Variants in BBOF1 observed in about 807,000 individuals in gnomAD.
BBOF1 encodes basal body-orientation factor 1.
BBOF1 carries 62 observed loss-of-function variants against 68.0 expected under a neutral mutation model. The ratio of observed to expected loss-of-function variants is 0.91; its 90% CI spans 0.74 to 1.13. The LOEUF (loss-of-function observed/expected upper bound fraction) is 1.13, where lower values mean the gene tolerates loss of function less well. Among genes scored for constraint, BBOF1 ranks in the 50% most tolerant of loss-of-function variants. BBOF1 has a pLI of 0.00. For synonymous variants in BBOF1, 208 were observed against 198.8 expected, an observed-to-expected ratio of 1.05 and a Z score of -0.39; for missense variants, 534 against 600.1, an observed-to-expected ratio of 0.89 and a Z score of 1.15.
intron 8 of BBOF1, among the ~76,000 whole-genome samples, chr14:74,050,966 G>T (rs939844682): frequency 9.9e-5 from 15 of 151,800 alleles, no homozygotes; most frequent in African/African-American, 3.6e-4. Context: ...AAATTAGGCT[G>T]GGTGTGGTGG....
chr14:74,071,478 A>G (rs1178435114), intron 9 of BBOF1: 2 of 1,613,922 alleles, frequency 1.2e-6, no homozygotes, highest in African/African-American at 1.3e-5. Context: ...ATGTCACACT[A>G]CAGGCATGCT....
Position 74,034,082 on chromosome 14 carries a change from G to A in BBOF1, c.406G>A (p.Ala136Thr). The A allele has an allele frequency of 6.2e-7, 1 of 1,607,942 alleles. No individual in the cohort carries two copies. Among genetic ancestry groups the A allele is most frequent in the Non-Finnish European group, 8.5e-7 (1 of 1,177,466 alleles). ...NELEGQFHQK[A>T]KEIGMIHTEL... is the part of the protein sequence containing the mutation. ...ACTAGAGGGACAGTTCCATCAAAAA[G>A]CCAAAGAAATTGGCATGATTCACAC... The change falls in exon 4 of 12, where the codon GCC becomes ACC. Residue 136 changes from alanine to threonine, a missense_variant. Ala to Thr is a moderately conservative substitution (Grantham distance 58). Transcript: ENST00000394009.
In BBOF1 at chr14:74,056,938, C is replaced by A; in HGVS notation, c.1421C>A (p.Pro474Gln). ...KYNQSSRPPV[P>Q]DYVVSDSGET... is the part of the protein sequence containing the mutation. ...AACCAGAGTTCTAGGCCTCCAGTTC[C>A]AGACTATGTTGTTTCTGACAGTGGG... Residue 474 changes from proline (P) to glutamine (Q), a missense_variant, in exon 10 of 12, where the codon CCA (proline) becomes CAA (glutamine). By Grantham distance (76) the Pro-to-Gln change is moderately conservative (BLOSUM62 -1). Coordinates refer to ENST00000394009, the MANE Select transcript of BBOF1 (RefSeq NM_025057.3). 1 of 1,613,902 alleles carries A rather than the reference C, an allele frequency of 6.2e-7. No individual in the cohort carries two copies. Among genetic ancestry groups the A allele is most frequent in the Non-Finnish European group, 8.5e-7 (1 of 1,179,916 alleles).
In BBOF1 at chr14:74,048,103, T is replaced by C. The variant is rs771843473; in HGVS notation, c.792+29T>C. ...CCCTCTCATTTAGACTTGGTGTCCTTCTTTTCTTTATTTAAGGATTGGGTT... is the reference window on the plus strand; with the variant it reads ...CCCTCTCATTTAGACTTGGTGTCCTCCTTTTCTTTATTTAAGGATTGGGTT... On this transcript the variant is annotated intron_variant, in intron 7 of 11. Coordinates refer to ENST00000394009, the MANE Select transcript of BBOF1 (RefSeq NM_025057.3). 7 of 1,588,746 alleles carry C rather than the reference T, an allele frequency of 4.4e-6. No homozygotes were observed. The African/African-American group carries it at 5.4e-5, about 12-fold the overall frequency.
In BBOF1 at chr14:74,064,694, T is replaced by G. The variant is rs747524760; in HGVS notation, c.1585T>G (p.Phe529Val). The change falls in exon 12 of 12, where the codon TTC becomes GTC. Residue 529 changes from phenylalanine to valine, a missense_variant. By Grantham distance (50) the Phe-to-Val change is conservative. Coordinates refer to ENST00000394009, the MANE Select transcript of BBOF1 (RefSeq NM_025057.3). ...KEPQESDTGT[F>V] ...ACTTTTAAATCTTTTTTAGGGAACC[T>G]TCTGAGAAGCACTGATTATGACCTC... 5 of 1,614,130 alleles carry G rather than the reference T, an allele frequency of 3.1e-6. No homozygotes were observed. The South Asian group carries it at 5.5e-5, about 18-fold the overall frequency.
At chr14:74,022,609 CT>C (rs1414536621) in intron 1 of BBOF1, among the ~76,000 whole-genome samples, 1 of 152,156 alleles carries the variant, frequency 6.6e-6, no homozygotes, top group Non-Finnish European at 1.5e-5. Flanking sequence ...TGTCTTTTCC[CT>C]TTGTTTTACC....
chr14:74,029,391 C>A, intron 3 of BBOF1, 142 bp downstream of exon 3: 5 of 548,102 alleles, frequency 9.1e-6, no homozygotes, highest in South Asian at 9.0e-5. Flanking sequence ...TATAGAAATT[C>A]AAAAAACCAG....
chr14:74,078,196 A>G (rs2060633865), exon 10 of BBOF1: 1 of 455,932 alleles, frequency 2.2e-6, no homozygotes, highest in South Asian at 1.5e-5. Flanking sequence ...CTTACTTCAG[A>G]GCACACAGAA....
At chr14:74,051,802 G>A (rs1024137040) in intron 8 of BBOF1, among the ~76,000 whole-genome samples, 2 of 151,618 alleles carry the variant, frequency 1.3e-5, no homozygotes, top group East Asian at 1.9e-4. Flanking sequence ...CTGCAGCCTG[G>A]AACTCCTGGG....
intron 6 of BBOF1, among the ~76,000 whole-genome samples, chr14:74,047,250 G>A (rs2139591677): frequency 6.6e-6 from 1 of 152,186 alleles, no homozygotes; most frequent in Non-Finnish European, 1.5e-5. Context: ...GGGTCTGGCA[G>A]CTCTCCTCCA....
intron 3 of BBOF1, among the ~76,000 whole-genome samples, chr14:74,032,166 T>A (rs1359062701): frequency 1.4e-5 from 2 of 140,568 alleles, no homozygotes; most frequent in Non-Finnish European, 3.0e-5. Context: ...CGCTCTTGTC[T>A]CCCAGGCTGG....
chr14:74,067,384 A>G (rs763301222), downstream of BBOF1: 3 of 1,613,092 alleles, frequency 1.9e-6, no homozygotes, highest in East Asian at 4.5e-5. Context: ...GATTACCTGC[A>G]TTGACTCTCA....
intron 9 of BBOF1, among the ~76,000 whole-genome samples, chr14:74,076,083 T>C (rs952255140): frequency 6.6e-6 from 1 of 152,156 alleles, no homozygotes; most frequent in Non-Finnish European, 1.5e-5. Context: ...GGGAAACTTT[T>C]TGGGGTGATG....
At chr14:74,069,035 T>C (rs2060511747), downstream of BBOF1, 14 of 1,596,782 alleles carry the variant, frequency 8.8e-6, no homozygotes, top group South Asian at 7.7e-5. Context: ...ATTCTCAACA[T>C]GGCAAATTTC....
intron 4 of BBOF1, among the ~76,000 whole-genome samples, chr14:74,039,118 G>A (rs568199217): frequency 1.3e-5 from 2 of 152,036 alleles, no homozygotes; most frequent in East Asian, 1.9e-4. Flanking sequence ...ACTATGTAAC[G>A]ATTGTATAGT....
intron 4 of BBOF1, among the ~76,000 whole-genome samples, chr14:74,035,757 T>C (rs2059685122): frequency 6.6e-6 from 1 of 151,816 alleles, no homozygotes; most frequent in African/African-American, 2.4e-5. Context: ...TATAAGCTGC[T>C]TGAGTGTTCT....
chr14:74,029,053 T>C, intron 2 of BBOF1, 131 bp from the exon 3 acceptor site: 1 of 582,162 alleles, frequency 1.7e-6, no homozygotes, highest in Non-Finnish European at 3.1e-6. Context: ...TCCTGTCCCC[T>C]CTTCTCTTTC....
chr14:74,076,455 G>A (rs533376892), intron 9 of BBOF1, among the ~76,000 whole-genome samples: 33 of 152,216 alleles, frequency 2.2e-4, no homozygotes, highest in East Asian at 1.3e-3. Context: ...TCTGCCTCCC[G>A]TGTTCAAGCG....
intron 11 of BBOF1, 35 bp from the exon 12 acceptor site, chr14:74,064,653 T>C (rs1015346549): frequency 1.2e-6 from 2 of 1,612,314 alleles, no homozygotes; most frequent in Admixed American, 1.7e-5. Context: ...GAAGCAGCTT[T>C]GGCAAAATTT....
Sources: allele counts gnomAD v4.1 joint callset (sites outside exome capture counted in the v4.1 genomes callset), GRCh38; gene constraint gnomAD v4.1.1; transcripts MANE v1.5; gene names NCBI Gene and HGNC (gene_info 2026-07-23, HGNC 2026-07-21).